SEMA3D: variants seen among roughly 807,000 people sequenced by gnomAD.
The protein encoded by SEMA3D is semaphorin 3D, also known as semaphorin-3D.
A neutral mutation model predicts 100.1 loss-of-function variants in SEMA3D; 84 were observed. That is an observed-to-expected ratio of 0.84 (90% CI 0.70 to 1.01). SEMA3D has a LOEUF of 1.01. SEMA3D is among the 50% of genes least tolerant of loss of function. SEMA3D has a pLI of 0.00. For missense variants in SEMA3D, 875 were observed against 934.1 expected (o/e 0.94, Z 0.82); for synonymous variants, 312 against 320.7 (o/e 0.97, Z 0.29).
At chr7:85,213,376 T>C in the SEMA3D span, among the ~76,000 whole-genome samples, 1 of 152,064 alleles carries the variant, frequency 6.6e-6, no homozygotes, top group Admixed American at 6.6e-5. Context: ...TTAAAAAGTA[T>C]AGTCTTTTAA....
chr7:85,029,370 C>T (rs1584535413), intron 12 of SEMA3D: 1 of 1,289,280 alleles, frequency 7.8e-7, no homozygotes, highest in Non-Finnish European at 1.1e-6. Context: ...AGGTGTCATC[C>T]AAGAATTCAC....
chr7:85,143,050 A>G, intron 2 of SEMA3D: 1 of 936,534 alleles, frequency 1.1e-6, no homozygotes, highest in Non-Finnish European at 1.3e-6. Flanking sequence ...TAATGCAATA[A>G]TTATTTCTAA....
At chr7:85,141,735 G>C in intron 2 of SEMA3D, 4 of 874,012 alleles carry the variant, frequency 4.6e-6, no homozygotes, top group Non-Finnish European at 5.5e-6. Flanking sequence ...GTTTTCTATT[G>C]AGAGAAACTG....
intron 17 of SEMA3D, among the ~76,000 whole-genome samples, chr7:85,010,063 C>T (rs1789909592): frequency 6.6e-6 from 1 of 151,708 alleles, no homozygotes; most frequent in Non-Finnish European, 1.5e-5. Context: ...GAAGAATTAA[C>T]ATTTAACTAT....
chr7:85,205,583 A>C, the SEMA3D span, among the ~76,000 whole-genome samples: 1 of 151,982 alleles, frequency 6.6e-6, no homozygotes, highest in Non-Finnish European at 1.5e-5. Flanking sequence ...TATTCCTTTA[A>C]GAAGTGTTCA....
chr7:85,195,589 G>A, the SEMA3D span, among the ~76,000 whole-genome samples: 3 of 151,964 alleles, frequency 2.0e-5, no homozygotes, highest in Non-Finnish European at 4.4e-5. Context: ...AGTAGCTGGG[G>A]CTATAGGCAT....
At chr7:85,201,937 C>T in the SEMA3D span, among the ~76,000 whole-genome samples, 1 of 152,110 alleles carries the variant, frequency 6.6e-6, no homozygotes, top group African/African-American at 2.4e-5. Context: ...CCAGACTGGT[C>T]TAGAATGCCT....
At chr7:85,028,292 A>G in intron 12 of SEMA3D, 1 of 701,420 alleles carries the variant, frequency 1.4e-6, no homozygotes, top group Non-Finnish European at 2.6e-6. Flanking sequence ...TCTCAGCATC[A>G]GGGCTATCAA....
At chr7:85,151,345 C>T (rs1790379015) in intron 2 of SEMA3D, among the ~76,000 whole-genome samples, 1 of 152,038 alleles carries the variant, frequency 6.6e-6, no homozygotes, top group South Asian at 2.1e-4. Flanking sequence ...ACCAGGTAAA[C>T]ATCTCCAAGT....
At position 85,001,134 on chromosome 7, in the gene SEMA3D, T is replaced by A. The variant is rs138960907; in HGVS notation, c.1909-1269A>T. On this transcript the variant is annotated intron_variant, in intron 18 of 18. Coordinates refer to ENST00000284136, the MANE Select transcript of SEMA3D (RefSeq NM_001384900.1). ...CCAGCCCAGTTAACTAACAAGTATA[T>A]GGCAAGCCACCCTCTGTGCCAGAGA... 1.2e-4 allele frequency among the ~76,000 whole-genome samples: 18 copies of A among 152,322 alleles called. No individual in the cohort carries two copies. The East Asian group carries it at 1.5e-3, about 13-fold the overall frequency.
At chr7:85,004,061 G>T (rs1156707384) in intron 18 of SEMA3D, among the ~76,000 whole-genome samples, 1 of 151,884 alleles carries the variant, frequency 6.6e-6, no homozygotes, top group Non-Finnish European at 1.5e-5. Context: ...TTTTAAGCAG[G>T]AACATGATCT....
chr7:85,031,832 GAGAT>G (rs1415549465), intron 12 of SEMA3D, among the ~76,000 whole-genome samples: 2 of 151,920 alleles, frequency 1.3e-5, no homozygotes, highest in East Asian at 1.9e-4. Context: ...GATATTTAGA[GAGAT>G]AGAATCATAA....
chr7:85,098,792 C>T (rs1288781269), intron 3 of SEMA3D, among the ~76,000 whole-genome samples: 2 of 151,860 alleles, frequency 1.3e-5, no homozygotes, highest in African/African-American at 2.4e-5. Context: ...ATATAGACTA[C>T]TTCCACTGCC....
Position 85,022,489 on chromosome 7 carries a change from G to T in SEMA3D, c.1316C>A (p.Thr439Lys), listed in dbSNP as rs763316404. 11 of 1,612,210 alleles carry T rather than the reference G, an allele frequency of 6.8e-6. No homozygotes were observed. Among genetic ancestry groups the T allele is most frequent in the East Asian group, 2.2e-5 (1 of 44,806 alleles). Residue 439 changes from threonine to lysine, a missense_variant, in exon 13 of 19, where the codon ACG becomes AAG. Coordinates refer to ENST00000284136, the MANE Select transcript of SEMA3D (RefSeq NM_001384900.1). ...KSVYPVAGGP[T>K]FKRINVDYRL... ...GTAATCCACATTGATTCTCTTGAAC[G>T]TTGGTCCTCCTGCAACTGGGTATAC...
At chr7:85,140,369 T>A (rs1790011770) in intron 2 of SEMA3D, 1 of 978,608 alleles carries the variant, frequency 1.0e-6, no homozygotes, top group Non-Finnish European at 1.2e-6. Context: ...ATCCAGCCAG[T>A]AGATGTTGGT....
At chr7:85,026,200 G>T (rs770604022) in intron 12 of SEMA3D, among the ~76,000 whole-genome samples, 1 of 151,982 alleles carries the variant, frequency 6.6e-6, no homozygotes, top group Non-Finnish European at 1.5e-5. Context: ...TCCTGCCTCT[G>T]CTTCTCCCTT....
In SEMA3D at chr7:85,060,373, T is replaced by C. The variant is rs556556795; in HGVS notation, c.719-4514A>G. 8.5e-5 allele frequency among the ~76,000 whole-genome samples: 13 copies of C among 152,296 alleles called. No homozygotes were observed. The East Asian group carries it at 1.9e-3, about 23-fold the overall frequency. On this transcript the variant is annotated intron_variant, in intron 8 of 18. Transcript: ENST00000284136. The stretch of plus-strand genomic sequence containing the variant: ...TTGAGGTCCGGTCTTAGAACTCTGA[T>C]GTTAGTATTTTATGACAGAAACTCT...
chr7:85,168,186 C>T (rs988444248), intron 1 of SEMA3D, among the ~76,000 whole-genome samples: 12 of 151,742 alleles, frequency 7.9e-5, no homozygotes, highest in African/African-American at 1.9e-4. Flanking sequence ...GAAAATGGCC[C>T]ATCTCTACCT....
At chr7:85,224,843 T>C in the SEMA3D span, among the ~76,000 whole-genome samples, 16 of 151,902 alleles carry the variant, frequency 1.1e-4, no homozygotes, top group Non-Finnish European at 8.8e-5. Context: ...CTGATAAGCA[T>C]GAAAATCTCA....
Sources: gnomAD v4.1 joint callset for allele counts (sites outside exome capture counted in the v4.1 genomes callset) on GRCh38, gnomAD v4.1.1 for gene constraint, MANE v1.5 for transcripts, NCBI Gene and HGNC (gene_info 2026-07-23, HGNC 2026-07-21) for gene names.